The following DRC3 variants were observed in gnomAD, a reference collection of about 807,000 sequenced individuals.
DRC3 encodes dynein regulatory complex subunit 3.
Under a neutral mutation model 57.6 loss-of-function variants are expected in DRC3, and 45 were observed. That is an observed-to-expected ratio of 0.78 (90% CI 0.62 to 1.00). The LOEUF is 1.00. DRC3 is among the 50% of genes least tolerant of loss of function. The pLI, the probability that DRC3 is intolerant of heterozygous loss-of-function variation, is 0.00. For missense variants in DRC3, 655 were observed against 675.2 expected (o/e 0.97, Z 0.33); for synonymous variants, 257 against 272.3 (o/e 0.94, Z 0.55).
At chr17:18,010,147 C>T (rs542854238) in intron 12 of DRC3, among the ~76,000 whole-genome samples, 2 of 152,326 alleles carry the variant, frequency 1.3e-5, no homozygotes, top group African/African-American at 4.8e-5. Flanking sequence ...AGTCTCTGGA[C>T]AGGGAGACTG....
chr17:17,988,186 A>G, intron 5 of DRC3, 88 bp downstream of exon 5: 1 of 1,340,674 alleles, frequency 7.5e-7, no homozygotes, highest in Non-Finnish European at 1.0e-6. Flanking sequence ...TAGGGGAAGT[A>G]CAGGCTGAGT....
intron 8 of DRC3, among the ~76,000 whole-genome samples, chr17:17,997,171 TAG>T (rs2043493249): frequency 6.6e-6 from 1 of 152,204 alleles, no homozygotes; most frequent in South Asian, 2.1e-4. Flanking sequence ...TTCTGCTCTG[TAG>T]ACTCCGCAAT....
intron 2 of DRC3, among the ~76,000 whole-genome samples, chr17:17,977,093 T>C (rs1794691236): frequency 1.3e-5 from 2 of 152,060 alleles, no homozygotes; most frequent in Admixed American, 6.6e-5. Flanking sequence ...GCTTGTGGTG[T>C]GGTGTGGGGC....
Position 18,004,494 on chromosome 17 carries a change from G to C in DRC3, c.1131G>C (p.Glu377Asp), listed in dbSNP as rs1382596960. Residue 377 changes from glutamate to aspartate, a missense_variant and splice_region_variant, in exon 10 of 14, where the codon GAG (glutamate) becomes GAC (aspartate). By Grantham distance (45) the Glu-to-Asp change is conservative. Transcript: ENST00000399187. ...TLEMQLVEQL[E>D]ETINMFERNI... ...AGATGCAGCTGGTGGAGCAGCTGGA[G>C]GTAAGGCTGGGCCCTGGGCACAAGT... is the stretch of plus-strand genomic sequence containing the variant. 1.2e-6 allele frequency: 2 copies of C among 1,609,514 alleles called. No homozygotes were observed. Among genetic ancestry groups the C allele is most frequent in the Non-Finnish European group, 1.7e-6 (2 of 1,178,178 alleles).
In DRC3 at chr17:17,977,604, C is replaced by T. The variant is rs1423352929; in HGVS notation, c.6C>T (p.Asn2=). 1 of 1,613,950 alleles carries T rather than the reference C, an allele frequency of 6.2e-7. No individual in the cohort carries two copies. The highest frequency in any genetic ancestry group is 1.7e-5 in the Admixed American group (1 of 60,012). ...TAGGGAAAACGTGGGGGAAGATGAA[C>T]CAGCCGTGCAACTCGATGGAGCCGA... M[N]QPCNSMEPRV... The change falls in exon 3 of 14, where the codon AAC becomes AAT. Residue 2 remains asparagine, a synonymous_variant. Coordinates refer to ENST00000399187, the MANE Select transcript of DRC3 (RefSeq NM_031294.4).
At chr17:18,002,615 C>T (rs564674537) in intron 9 of DRC3, among the ~76,000 whole-genome samples, 1 of 152,318 alleles carries the variant, frequency 6.6e-6, no homozygotes, top group African/African-American at 2.4e-5. Flanking sequence ...AGGGTCTTTC[C>T]TGGCCTGTGC....
At chr17:17,981,422 C>A in intron 3 of DRC3, 1 of 165,112 alleles carries the variant, frequency 6.1e-6, no homozygotes, top group East Asian at 1.6e-4. Flanking sequence ...TTGGGTATCC[C>A]TGTGATGAGG....
intron 3 of DRC3, among the ~76,000 whole-genome samples, chr17:17,978,357 G>A (rs1015061576): frequency 9.9e-5 from 15 of 152,198 alleles, no homozygotes. Context: ...TGGGTGGGGG[G>A]ACAAGGTGAG....
At chr17:17,987,659 A>G (rs953155629) in intron 4 of DRC3, among the ~76,000 whole-genome samples, 3 of 152,200 alleles carry the variant, frequency 2.0e-5, no homozygotes, top group Non-Finnish European at 4.4e-5. Context: ...TCCCAGAACT[A>G]TGGCAGAGCA....
At position 17,997,619 on chromosome 17, in the gene DRC3, G is replaced by A; in HGVS notation, c.984G>A (p.Glu328=). The A allele has an allele frequency of 6.2e-7, 1 of 1,607,494 alleles. No individual in the cohort carries two copies. The highest frequency in any genetic ancestry group is 8.5e-7 in the Non-Finnish European group (1 of 1,177,160). Residue 328 remains glutamate, a synonymous_variant, in exon 9 of 14, where the codon GAG becomes GAA. Transcript: ENST00000399187. ...GCAAACGCAAGATTGCCAAATTCGA[G>A]GAGAAGCACTTGTCGGTAGGCCCCG... ...EQGKRKIAKF[E]EKHLSSLSAI... is the part of the protein sequence containing the mutation.
chr17:18,000,247 A>C (rs1264948732), intron 9 of DRC3, among the ~76,000 whole-genome samples: 1 of 58,468 alleles, frequency 1.7e-5, no homozygotes, highest in Non-Finnish European at 3.6e-5. Flanking sequence ...CTTTCACGTG[A>C]GTGTGTGTGT....
chr17:18,016,804 T>TCC lies in DRC3; in HGVS notation c.*137_*138dup. On this transcript the variant is annotated 3_prime_UTR_variant, in exon 14 of 14. Transcript: ENST00000399187. ...CAACCGCGATCCCCAACACCATTCT[T>TCC]CCCCCACCCCTGGAAAAACTTCCAA... 2 of 501,278 alleles carry TCC rather than the reference T, an allele frequency of 4.0e-6. No individual in the cohort carries two copies. Among genetic ancestry groups the TCC allele is most frequent in the East Asian group, 6.3e-5 (2 of 31,626 alleles). 31.1% of individuals were successfully genotyped at this position (501,278 alleles called of 1,614,324 possible). A position where few individuals can be genotyped will look rare whatever the true frequency, so the allele number is the denominator to read the frequency against.
chr17:17,988,271 A>G, intron 5 of DRC3, 173 bp downstream of exon 5: 1 of 668,774 alleles, frequency 1.5e-6, no homozygotes, highest in Non-Finnish European at 2.3e-6. Flanking sequence ...ATGTTTAAAT[A>G]CCATGCTTAC....
At chr17:18,015,545 C>T (rs1001932096) in intron 12 of DRC3, 1 of 153,750 alleles carries the variant, frequency 6.5e-6, no homozygotes, top group African/African-American at 2.4e-5. Context: ...CAGAAGGATA[C>T]TCCAAATGGA....
intron 8 of DRC3, among the ~76,000 whole-genome samples, chr17:17,996,539 C>T (rs748468251): frequency 3.3e-5 from 5 of 152,180 alleles, no homozygotes; most frequent in Admixed American, 6.5e-5. Flanking sequence ...AATTACCCCC[C>T]ACCGGGTTCC....
In DRC3 at chr17:18,004,843, T is replaced by A. The variant is rs143686232; in HGVS notation, c.1131+349T>A. ...GGGACCAAACAAAGACCCCTCCGCA[T>A]TGCAGCCTGCAGTTGCCGCTTCTCA... On this transcript the variant is annotated intron_variant, in intron 10 of 13. Transcript: ENST00000399187. 439 of 220,398 alleles carry A rather than the reference T, an allele frequency of 2.0e-3. 1 individual carries two copies. Among genetic ancestry groups the A allele is most frequent in the African/African-American group, 9.2e-3 (406 of 43,978 alleles). The allele number at this position is 220,398 out of a possible 1,614,324, so 13.7% of individuals were successfully genotyped here. A position where few individuals can be genotyped will look rare whatever the true frequency, so the allele number is the denominator to read the frequency against.
At chr17:18,012,700 C>A (rs2044211715) in intron 12 of DRC3, among the ~76,000 whole-genome samples, 1 of 151,582 alleles carries the variant, frequency 6.6e-6, no homozygotes. Context: ...AAAAAAAAGA[C>A]CTGAAACTAT....
Position 18,003,484 on chromosome 17 carries a change from T to TAA in DRC3, c.1000-848_1000-847dup, listed in dbSNP as rs71155309. ...GGGTGACAGAGTGAGACTACGTCTT[T>TAA]AAAAAAAAAAAAAAAAAAAAAAAAA... On this transcript the variant is annotated intron_variant, in intron 9 of 13. Coordinates refer to ENST00000399187, the MANE Select transcript of DRC3 (RefSeq NM_031294.4). Among the ~76,000 whole-genome samples, 115 of 30,120 alleles carry TAA rather than the reference T, an allele frequency of 3.8e-3. 1 individual carries two copies. The highest frequency in any genetic ancestry group is 7.0e-3 in the African/African-American group (60 of 8,604). 19.8% of individuals were successfully genotyped at this position (30,120 alleles called of 152,430 possible). A position where few individuals can be genotyped will look rare whatever the true frequency, so the allele number is the denominator to read the frequency against.
At chr17:17,993,752 C>T (rs2043330838) in intron 6 of DRC3, 1 of 158,002 alleles carries the variant, frequency 6.3e-6, no homozygotes, top group African/African-American at 2.4e-5. Context: ...ACCTGGGGCA[C>T]ATGGAGTGAG....
Sources: gnomAD v4.1 joint callset for allele counts (sites outside exome capture counted in the v4.1 genomes callset) on GRCh38, gnomAD v4.1.1 for gene constraint, MANE v1.5 for transcripts, NCBI Gene and HGNC (gene_info 2026-07-23, HGNC 2026-07-21) for gene names.